The following ANKS1A variants were observed in gnomAD, a reference collection of about 807,000 sequenced individuals.
ANKS1A encodes ankyrin repeat and SAM domain-containing protein 1A.
A neutral mutation model predicts 120.3 loss-of-function variants in ANKS1A; 55 were observed. That is an observed-to-expected ratio of 0.46 (90% CI 0.37 to 0.57). The LOEUF is 0.57. Ranked by LOEUF, ANKS1A falls within the 20% of genes least tolerant of loss-of-function variation. ANKS1A has a pLI of 0.00. For missense variants in ANKS1A, 1,123 were observed against 1,480.3 expected, an observed-to-expected ratio of 0.76 and a Z score of 3.96; for synonymous variants, 590 against 604.7, an observed-to-expected ratio of 0.98 and a Z score of 0.36.
At position 34,889,347 on chromosome 6, in the gene ANKS1A, C is replaced by A; in HGVS notation, c.-56C>A. The A allele has an allele frequency of 8.1e-7, 1 of 1,236,772 alleles. No homozygotes were observed. Among genetic ancestry groups the A allele is most frequent in the South Asian group, 3.7e-5 (1 of 26,986 alleles). The allele number at this position is 1,236,772 out of a possible 1,614,324, so 76.6% of individuals were successfully genotyped here. A position where few individuals can be genotyped will look rare whatever the true frequency, so the allele number is the denominator to read the frequency against. ...CCCGGAGACGGAAAGTTTGGGAGCC[C>A]GAGCAGGCTCGGCTGCAGCCTCGGG... On this transcript the variant is annotated 5_prime_UTR_variant, in exon 1 of 24. Transcript: ENST00000360359. This position sits in a 1 kb window ranked among gnomAD's most constrained non-coding sequence, Gnocchi z 5.5.
In ANKS1A at chr6:35,060,096, G is replaced by A. The variant is rs765198640; in HGVS notation, c.2078-51G>A. On this transcript the variant is annotated intron_variant, in intron 12 of 23. Coordinates refer to ENST00000360359, the MANE Select transcript of ANKS1A (RefSeq NM_015245.3). The surrounding 1 kb of genome is among the most constrained non-coding windows in gnomAD (Gnocchi z 4.5). ...TCTTCCTCTGAGTGCCGCTGCTACCGCCTTAATGGTTTTTCCCTTTTCAAG... is the reference window on the plus strand; with the variant it reads ...TCTTCCTCTGAGTGCCGCTGCTACCACCTTAATGGTTTTTCCCTTTTCAAG... The A allele has an allele frequency of 3.5e-5, 52 of 1,485,698 alleles. No homozygotes were observed. Among genetic ancestry groups the A allele is most frequent in the Non-Finnish European group, 4.5e-5 (48 of 1,075,384 alleles). 92.0% of individuals were successfully genotyped at this position (1,485,698 alleles called of 1,614,324 possible). A position where few individuals can be genotyped will look rare whatever the true frequency, so the allele number is the denominator to read the frequency against.
chr6:34,996,863 G>A (rs1472492639), intron 10 of ANKS1A, among the ~76,000 whole-genome samples: 3 of 152,074 alleles, frequency 2.0e-5, no homozygotes, highest in Non-Finnish European at 4.4e-5. Flanking sequence ...TTTATATATG[G>A]TGTGAGGTAT....
chr6:35,096,653 G>A, the ANKS1A span, among the ~76,000 whole-genome samples: 1 of 152,148 alleles, frequency 6.6e-6, no homozygotes, highest in Non-Finnish European at 1.5e-5. Context: ...AGCCATGAGG[G>A]CAGTTGCCAT....
intron 11 of ANKS1A, 98 bp downstream of exon 11, chr6:35,018,157 G>A: frequency 1.6e-6 from 2 of 1,268,268 alleles, no homozygotes; most frequent in Non-Finnish European, 2.2e-6. Flanking sequence ...CAGGATCTGG[G>A]CAAGGTTGCT....
intron 3 of ANKS1A, among the ~76,000 whole-genome samples, chr6:34,975,256 C>A (rs1771500180): frequency 6.6e-6 from 1 of 152,030 alleles, no homozygotes; most frequent in Non-Finnish European, 1.5e-5. Context: ...GGATTCGAGA[C>A]CAGCCTGGCC....
At chr6:35,016,801 T>G (rs1774031179) in intron 10 of ANKS1A, among the ~76,000 whole-genome samples, 1 of 147,062 alleles carries the variant, frequency 6.8e-6, no homozygotes. Context: ...GAAAGAAAAG[T>G]CTGTGCTCCC....
chr6:34,973,646 A>C lies in ANKS1A; in HGVS notation c.435+3480A>C, dbSNP rs190894821. Among the ~76,000 whole-genome samples the C allele has an allele frequency of 4.0e-4, 61 of 152,334 alleles. 1 individual carries two copies. In the East Asian group the frequency reaches 0.011, roughly 28 times the overall value. ...CATAAGGTACTTCTGTATGTTTCCA[A>C]ACACAAGGCAGATATTTCATGCTTT... On this transcript the variant is annotated intron_variant, in intron 3 of 23. Transcript: ENST00000360359.
intron 1 of ANKS1A, among the ~76,000 whole-genome samples, chr6:34,927,313 A>C (rs919561642): frequency 6.6e-6 from 1 of 152,138 alleles, no homozygotes; most frequent in African/African-American, 2.4e-5. Context: ...GACAATGTGC[A>C]TAAGGACGCA....
chr6:35,039,625 G>A (rs771462553), intron 11 of ANKS1A: 13 of 456,604 alleles, frequency 2.8e-5, no homozygotes, highest in African/African-American at 1.0e-4. Context: ...TGCCACGTGC[G>A]TCCCTGTTGA....
intron 1 of ANKS1A, among the ~76,000 whole-genome samples, chr6:34,922,591 A>G (rs1380067367): frequency 1.3e-5 from 2 of 152,086 alleles, no homozygotes; most frequent in Non-Finnish European, 2.9e-5. Flanking sequence ...TCTGTGACTC[A>G]TCCTGACAGA....
chr6:34,994,440 C>A lies in ANKS1A; in HGVS notation c.1423+18C>A, dbSNP rs1772741543. ...AACAAAAGGTACGTTCCCCACAACT[C>A]CTGGCAGAACCAACTCCAAAGGGAT... On this transcript the variant is annotated intron_variant, in intron 10 of 23. Transcript: ENST00000360359. 2 of 1,607,714 alleles carry A rather than the reference C, an allele frequency of 1.2e-6. No homozygotes were observed. The highest frequency in any genetic ancestry group is 1.3e-5 in the African/African-American group (1 of 74,852).
chr6:34,908,888 A>G (rs577690979), intron 1 of ANKS1A, among the ~76,000 whole-genome samples: 2 of 152,274 alleles, frequency 1.3e-5, no homozygotes, highest in South Asian at 4.2e-4. Flanking sequence ...TTTATTAGTA[A>G]AGAAAAAAAA....
At chr6:35,039,171 A>G (rs1028052423) in intron 11 of ANKS1A, among the ~76,000 whole-genome samples, 4 of 141,726 alleles carry the variant, frequency 2.8e-5, no homozygotes, top group African/African-American at 1.1e-4. Flanking sequence ...CTATTCTGTC[A>G]CCACAAAGAT....
At chr6:34,896,457 A>ATTTTTTTTCTT (rs1581659172) in intron 1 of ANKS1A, among the ~76,000 whole-genome samples, 1 of 151,918 alleles carries the variant, frequency 6.6e-6, no homozygotes, top group East Asian at 1.9e-4. Context: ...CTGTACTTAC[A>ATTTTTTTTCTT]TTTTTGCTTT....
chr6:34,909,919 G>A (rs1767827372), intron 1 of ANKS1A, among the ~76,000 whole-genome samples: 2 of 152,246 alleles, frequency 1.3e-5, no homozygotes, highest in Non-Finnish European at 2.9e-5. Flanking sequence ...ATTGTGCATT[G>A]AGACGACTGC....
rs184162667 is a variant in ANKS1A, at chr6:34,994,177, T to G, written c.1303-125T>G. On this transcript the variant is annotated intron_variant, in intron 9 of 23. Coordinates refer to ENST00000360359, the MANE Select transcript of ANKS1A (RefSeq NM_015245.3). ...TGATTCTATGTGACACTTGAATTAT[T>G]CACCTTCTCTTTTCCACCTTTCTTC... The G allele has an allele frequency of 7.3e-5, 93 of 1,267,016 alleles. No individual in the cohort carries two copies. The East Asian group carries it at 2.4e-3, about 32-fold the overall frequency. The allele number at this position is 1,267,016 out of a possible 1,614,324, so 78.5% of individuals were successfully genotyped here.
chr6:34,901,147 G>C (rs1435324416), intron 1 of ANKS1A, among the ~76,000 whole-genome samples: 2 of 151,696 alleles, frequency 1.3e-5, no homozygotes, highest in African/African-American at 2.4e-5. Context: ...GCCAAAGTTT[G>C]TACAGGGGAA....
At chr6:35,069,446 G>A (rs1776963399) in intron 13 of ANKS1A, among the ~76,000 whole-genome samples, 1 of 151,988 alleles carries the variant, frequency 6.6e-6, no homozygotes. Context: ...TCCGTCAAAT[G>A]GGGCTTTCAC....
intron 1 of ANKS1A, among the ~76,000 whole-genome samples, chr6:34,963,184 G>T (rs914376459): frequency 6.6e-6 from 1 of 152,060 alleles, no homozygotes; most frequent in Non-Finnish European, 1.5e-5. Context: ...ATTATAATAC[G>T]TTGTTATTAA....
Sources: allele counts gnomAD v4.1 joint callset (sites outside exome capture counted in the v4.1 genomes callset), GRCh38; gene constraint gnomAD v4.1.1; non-coding constraint Gnocchi (gnomAD v3.1); transcripts MANE v1.5; gene names NCBI Gene and HGNC (gene_info 2026-07-23, HGNC 2026-07-21).